Variants in SIRT4 observed in about 807,000 individuals in gnomAD.
SIRT4 encodes sirtuin 4.
Under a neutral mutation model 26.1 loss-of-function variants are expected in SIRT4, and 23 were observed. That is an observed-to-expected ratio of 0.88 (90% confidence interval 0.63 to 1.25). The LOEUF (loss-of-function observed/expected upper bound fraction) is 1.25, where lower values mean the gene tolerates loss of function less well. SIRT4 is among the 50% of genes most tolerant of loss of function. The pLI, the probability that SIRT4 is intolerant of heterozygous loss-of-function variation, is 0.00. For synonymous variants in SIRT4, 155 were observed against 158.4 expected, an observed-to-expected ratio of 0.98 and a Z score of 0.16; for missense variants, 361 against 405.4, an observed-to-expected ratio of 0.89 and a Z score of 0.94.
intron 2 of SIRT4, among the ~76,000 whole-genome samples, chr12:120,308,821 T>G (rs928282054): frequency 6.6e-6 from 1 of 152,124 alleles, no homozygotes; most frequent in Non-Finnish European, 1.5e-5. Context: ...CTGAAAGACC[T>G]AGACTAAGGT....
upstream of SIRT4, among the ~76,000 whole-genome samples, chr12:120,298,418 C>A (rs1872412662): frequency 6.6e-6 from 1 of 151,688 alleles, no homozygotes; most frequent in Non-Finnish European, 1.5e-5. Context: ...CATGGTGAAA[C>A]CCCGTCTCTA....
intron 2 of SIRT4, among the ~76,000 whole-genome samples, chr12:120,312,160 G>A (rs1184607797): frequency 6.6e-6 from 1 of 152,000 alleles, no homozygotes; most frequent in Non-Finnish European, 1.5e-5. Context: ...GCGCGTGTTT[G>A]TAGTGCAGTC....
At chr12:120,295,265 A>G in the SIRT4 span, among the ~76,000 whole-genome samples, 9 of 139,272 alleles carry the variant, frequency 6.5e-5, no homozygotes, top group Non-Finnish European at 1.4e-4. Context: ...CGCAGTCTGG[A>G]CTGCAAAGGC....
At chr12:120,297,852 T>C (rs902894916), upstream of SIRT4, among the ~76,000 whole-genome samples, 8 of 152,148 alleles carry the variant, frequency 5.3e-5, no homozygotes, top group African/African-American at 1.9e-4. Context: ...AGAAAATGTG[T>C]GCAGAAAATG....
chr12:120,297,854 C>T (rs1872388439), upstream of SIRT4, among the ~76,000 whole-genome samples: 1 of 152,078 alleles, frequency 6.6e-6, no homozygotes, highest in East Asian at 1.9e-4. Context: ...AAAATGTGTG[C>T]AGAAAATGTG....
rs370781082 is a variant in SIRT4, at chr12:120,310,259, G to A, written c.498-2197G>A. 1.8e-4 allele frequency among the ~76,000 whole-genome samples: 27 copies of A among 152,104 alleles called. No individual in the cohort carries two copies. In the East Asian group the frequency reaches 3.3e-3, roughly 19 times the overall value. On this transcript the variant is annotated intron_variant, in intron 2 of 3. Coordinates refer to ENST00000202967, the MANE Select transcript of SIRT4 (RefSeq NM_012240.3). ...CAGGCGCCTGTAATCCCAGCTGCTC[G>A]GGAGGCTGAGGCAGGAGAATCGCTT...
the SIRT4 span, among the ~76,000 whole-genome samples, chr12:120,292,905 G>A: frequency 1.4e-3 from 215 of 152,312 alleles, 3 homozygotes; most frequent in Non-Finnish European, 4.4e-4. Context: ...CACAAAATCA[G>A]CAACTCCAAC....
chr12:120,292,975 G>T, the SIRT4 span: 1 of 151,990 alleles, frequency 6.6e-6, no homozygotes, highest in South Asian at 2.1e-4. Flanking sequence ...GAATCAGCTG[G>T]TAAGACACTT....
chr12:120,295,407 T>C, the SIRT4 span, among the ~76,000 whole-genome samples: 2 of 134,514 alleles, frequency 1.5e-5, no homozygotes, highest in Non-Finnish European at 3.1e-5. Flanking sequence ...TGTATAAATA[T>C]ATATATAGAT....
intron 2 of SIRT4, among the ~76,000 whole-genome samples, chr12:120,309,436 G>C (rs1592900608): frequency 7.1e-6 from 1 of 140,986 alleles, no homozygotes; most frequent in South Asian, 2.3e-4. Context: ...TTTTGAGACA[G>C]AGTCTCACTC....
intron 2 of SIRT4, among the ~76,000 whole-genome samples, chr12:120,309,159 G>A (rs926140273): frequency 2.0e-5 from 3 of 152,084 alleles, no homozygotes; most frequent in Non-Finnish European, 2.9e-5. Flanking sequence ...TCCAGCCTGG[G>A]CGACAAGAGT....
upstream of SIRT4, among the ~76,000 whole-genome samples, chr12:120,300,801 G>A (rs745377722): frequency 1.3e-5 from 2 of 152,114 alleles, no homozygotes; most frequent in African/African-American, 2.4e-5. Flanking sequence ...CAAGGTCCCT[G>A]CTGGCCGCCC....
At position 120,312,897 on chromosome 12, in the gene SIRT4, A is replaced by G. The variant is rs199965697; in HGVS notation, c.806A>G (p.Tyr269Cys). Residue 269 changes from tyrosine (Y) to cysteine (C), a missense_variant, in exon 4 of 4, where the codon TAC becomes TGC. Tyr to Cys is a radical substitution (Grantham distance 194). Transcript: ENST00000202967. ...VGSSLQVYSG[Y>C]RFILTAWEKK... is the part of the protein sequence containing the mutation. ...TTCTCCGTGCAGGTATACTCTGGTT[A>G]CAGGTTTATCCTCACTGCCTGGGAG... 12 of 1,614,058 alleles carry G rather than the reference A, an allele frequency of 7.4e-6. No individual in the cohort carries two copies. The highest frequency in any genetic ancestry group is 1.6e-4 in the Middle Eastern group (1 of 6,084).
chr12:120,310,471 G>A (rs907297780), intron 2 of SIRT4, among the ~76,000 whole-genome samples: 2 of 151,880 alleles, frequency 1.3e-5, no homozygotes, highest in African/African-American at 2.4e-5. Flanking sequence ...CTTGCTTTAC[G>A]CTCCCAAAGT....
At chr12:120,297,685 C>G (rs1872382412), upstream of SIRT4, among the ~76,000 whole-genome samples, 1 of 152,066 alleles carries the variant, frequency 6.6e-6, no homozygotes, top group South Asian at 2.1e-4. Context: ...GGCCTAGAAG[C>G]ACAATAGAAT....
In SIRT4 at chr12:120,303,841, G is replaced by A. The variant is rs751683420; in HGVS notation, c.280G>A (p.Asp94Asn). Reference sequence around the variant, plus strand: ...TGACCGCAGGCCCATCCAGCATGGTGATTTTGTCCGGAGTGCCCCAATCCG... The same window carrying A: ...TGACCGCAGGCCCATCCAGCATGGTAATTTTGTCCGGAGTGCCCCAATCCG... Reference protein sequence around the residue: ...RTDRRPIQHGDFVRSAPIRQR... With the variant: ...RTDRRPIQHGNFVRSAPIRQR... Residue 94 changes from aspartate to asparagine, a missense_variant, in exon 2 of 4, where the codon GAT (aspartate) becomes AAT (asparagine). Asp to Asn is a conservative substitution (Grantham distance 23). Coordinates refer to ENST00000202967, the MANE Select transcript of SIRT4 (RefSeq NM_012240.3). The A allele has an allele frequency of 1.9e-6, 3 of 1,614,208 alleles. No individual in the cohort carries two copies. The Admixed American group carries it at 5.0e-5, about 27-fold the overall frequency.
At chr12:120,292,950 T>A in the SIRT4 span, 1 of 152,160 alleles carries the variant, frequency 6.6e-6, no homozygotes, top group African/African-American at 2.4e-5. Flanking sequence ...CAGGTAAACT[T>A]GCAGGTGCTC....
rs769472260 is a variant in SIRT4 at position 120,312,981 on chromosome 12, G to A, written c.890G>A (p.Cys297Tyr). 1 of 1,614,160 alleles carries A rather than the reference G, an allele frequency of 6.2e-7. No individual in the cohort carries two copies. The highest frequency in any genetic ancestry group is 8.5e-7 in the Non-Finnish European group (1 of 1,180,044). ...CCCACACGGTCGGATGACTTGGCGT[G>A]TCTGAAACTGAATTCTCGTTGTGGA... The part of the protein sequence containing the change: ...IGPTRSDDLA[C>Y]LKLNSRCGEL... Residue 297 changes from cysteine to tyrosine, a missense_variant, in exon 4 of 4, where the codon TGT becomes TAT. Transcript: ENST00000202967.
chr12:120,312,249 C>CT (rs141929735), intron 2 of SIRT4, among the ~76,000 whole-genome samples: 3,085 of 152,120 alleles, frequency 0.02, 108 homozygotes, highest in African/African-American at 0.071. Flanking sequence ...GATCGTGCCA[C>CT]TGCATTCCAG....
Sources: gnomAD v4.1 joint callset for allele counts (sites outside exome capture counted in the v4.1 genomes callset) on GRCh38, gnomAD v4.1.1 for gene constraint, MANE v1.5 for transcripts, NCBI Gene and HGNC (gene_info 2026-07-23, HGNC 2026-07-21) for gene names.